Variants in ASTN2 observed in about 807,000 individuals in gnomAD.
ASTN2 encodes the protein astrotactin-2.
A neutral mutation model predicts 139.8 loss-of-function variants in ASTN2; 54 were observed. That is an observed-to-expected ratio of 0.39 (90% CI 0.31 to 0.48). The LOEUF is 0.48. Among genes scored for constraint, ASTN2 ranks in the 20% least tolerant of loss-of-function variants. ASTN2 has a pLI of 0.95. For synonymous variants in ASTN2, 756 were observed against 719.5 expected, an observed-to-expected ratio of 1.05 and a Z score of -0.81; for missense variants, 1,565 against 1,725.1, an observed-to-expected ratio of 0.91 and a Z score of 1.64.
chr9:117,234,814 G>A (rs573413951), intron 2 of ASTN2, among the ~76,000 whole-genome samples: 6 of 152,270 alleles, frequency 3.9e-5, no homozygotes, highest in Non-Finnish European at 7.4e-5. Flanking sequence ...CTGGCCCCTT[G>A]GTGGCCATTT....
At chr9:116,849,230 A>G (rs1832523461) in intron 11 of ASTN2, among the ~76,000 whole-genome samples, 1 of 152,172 alleles carries the variant, frequency 6.6e-6, no homozygotes, top group Non-Finnish European at 1.5e-5. Flanking sequence ...GCACACTTCA[A>G]TACTTAGACA....
At chr9:117,405,967 G>GCTCTGT (rs1196522253) in intron 1 of ASTN2, among the ~76,000 whole-genome samples, 2 of 152,208 alleles carry the variant, frequency 1.3e-5, no homozygotes, top group Non-Finnish European at 2.9e-5. Flanking sequence ...AAGAGGGAAG[G>GCTCTGT]CTCTGTGGGA....
intron 2 of ASTN2, among the ~76,000 whole-genome samples, chr9:117,215,861 G>A (rs1345525632): frequency 1.3e-5 from 2 of 152,108 alleles, no homozygotes; most frequent in Non-Finnish European, 2.9e-5. Context: ...AATCCCTAGA[G>A]TCAGGAGGAA....
intron 1 of ASTN2, among the ~76,000 whole-genome samples, chr9:117,382,408 T>C (rs1418881993): frequency 6.6e-6 from 1 of 152,228 alleles, no homozygotes; most frequent in Non-Finnish European, 1.5e-5. Context: ...AGGCATTTTA[T>C]ATCCATGTTT....
chr9:117,145,050 G>C (rs1830164618), intron 3 of ASTN2, among the ~76,000 whole-genome samples: 1 of 152,072 alleles, frequency 6.6e-6, no homozygotes, highest in Non-Finnish European at 1.5e-5. Flanking sequence ...TAGGTAAACT[G>C]TGTGTCATGG....
intron 16 of ASTN2, among the ~76,000 whole-genome samples, chr9:116,683,162 A>G (rs1035336155): frequency 2.0e-5 from 3 of 152,052 alleles, no homozygotes; most frequent in Non-Finnish European, 2.9e-5. Flanking sequence ...ATCAGCTATA[A>G]AATTTAACAG....
chr9:116,446,301 AGAG>A, intron 20 of ASTN2, among the ~76,000 whole-genome samples: 2 of 150,314 alleles, frequency 1.3e-5, no homozygotes, highest in Non-Finnish European at 2.9e-5. Context: ...AGAGAGAGAG[AGAG>A]AGAGAATAAT....
At chr9:116,565,215 A>AACAC (rs59415099) in intron 19 of ASTN2, among the ~76,000 whole-genome samples, 3,694 of 134,226 alleles carry the variant, frequency 0.028, 67 homozygotes, top group Non-Finnish European at 0.039. Context: ...GCTTGCCACA[A>AACAC]ACACACACAC....
intron 1 of ASTN2, among the ~76,000 whole-genome samples, chr9:117,360,825 A>G (rs1338496364): frequency 2.0e-5 from 3 of 152,156 alleles, no homozygotes; most frequent in African/African-American, 7.2e-5. Context: ...ATAACTGTGC[A>G]TATACTTTTG....
intron 1 of ASTN2, among the ~76,000 whole-genome samples, chr9:117,396,611 G>A (rs374174861): frequency 1.3e-5 from 2 of 152,114 alleles, no homozygotes; most frequent in East Asian, 3.9e-4. Context: ...TGTCTCCCAG[G>A]CTAGAGTGCA....
intron 11 of ASTN2, among the ~76,000 whole-genome samples, chr9:116,840,125 T>C (rs1283052926): frequency 2.7e-5 from 4 of 148,236 alleles, no homozygotes; most frequent in African/African-American, 7.6e-5. Flanking sequence ...AAGCACATCT[T>C]GCACCGCCCT....
chr9:117,356,594 A>T (rs78643084), intron 1 of ASTN2, among the ~76,000 whole-genome samples: 1,725 of 152,332 alleles, frequency 0.011, 33 homozygotes, highest in African/African-American at 0.04. Flanking sequence ...TTTTCTGTTC[A>T]ATCTGATCTT....
At chr9:116,971,021 C>G (rs1169455498) in intron 10 of ASTN2, among the ~76,000 whole-genome samples, 2 of 145,008 alleles carry the variant, frequency 1.4e-5, no homozygotes, top group Non-Finnish European at 3.1e-5. Flanking sequence ...AAGTTGGTCT[C>G]TTGTTTCATG....
intron 19 of ASTN2, among the ~76,000 whole-genome samples, chr9:116,502,705 AG>A (rs1849916289): frequency 4.6e-5 from 2 of 43,900 alleles, no homozygotes; most frequent in African/African-American, 8.8e-5. Flanking sequence ...GAAGGAAGGA[AG>A]GAAGGAAGGA....
At chr9:116,869,550 C>T (rs144222316) in intron 10 of ASTN2, among the ~76,000 whole-genome samples, 4 of 152,236 alleles carry the variant, frequency 2.6e-5, no homozygotes, top group African/African-American at 7.2e-5. Context: ...AAGTCACTCT[C>T]CATATTATCT....
intron 16 of ASTN2, among the ~76,000 whole-genome samples, chr9:116,662,414 A>G (rs1858616724): frequency 6.6e-6 from 1 of 150,702 alleles, no homozygotes; most frequent in African/African-American, 2.5e-5. Flanking sequence ...CTCCACTAAA[A>G]ATACAAAAGT....
chr9:116,975,777 T>C (rs1836326009), intron 9 of ASTN2, among the ~76,000 whole-genome samples: 1 of 129,032 alleles, frequency 7.8e-6, no homozygotes, highest in Non-Finnish European at 1.8e-5. Context: ...TATGTCTTTA[T>C]CTACATGTTC....
At chr9:116,982,763 A>G (rs1378303586) in intron 7 of ASTN2, among the ~76,000 whole-genome samples, 1 of 152,028 alleles carries the variant, frequency 6.6e-6, no homozygotes, top group African/African-American at 2.4e-5. Context: ...AATGAGACCT[A>G]ACTATGTTGC....
intron 2 of ASTN2, among the ~76,000 whole-genome samples, chr9:117,259,377 A>T (rs1380067577): frequency 6.6e-6 from 1 of 152,122 alleles, no homozygotes; most frequent in Non-Finnish European, 1.5e-5. Context: ...TTCAAAGTTA[A>T]CCTGAAAAAC....
Sources: gnomAD v4.1 joint callset for allele counts (sites outside exome capture counted in the v4.1 genomes callset) on GRCh38, gnomAD v4.1.1 for gene constraint, MANE v1.5 for transcripts, NCBI Gene and HGNC (gene_info 2026-07-23, HGNC 2026-07-21) for gene names.